STK3: variants seen among roughly 807,000 people sequenced by gnomAD.
STK3 encodes the protein serine/threonine kinase 3.
STK3 carries 41 observed loss-of-function variants against 58.0 expected under a neutral mutation model. The ratio of observed to expected loss-of-function variants is 0.71; its 90% confidence interval spans 0.55 to 0.92. STK3 has a LOEUF of 0.92. Ranked by LOEUF, STK3 falls within the 40% of genes least tolerant of loss-of-function variation. The pLI is 0.00. For missense variants in STK3, 479 were observed against 602.7 expected (o/e 0.79, Z 2.15); for synonymous variants, 170 against 191.0 (o/e 0.89, Z 0.91).
rs146587155 is a variant in STK3 at position 98,496,046 on chromosome 8, T to C, written c.1317+30696A>G. ...TATATATTTTCAATCACAGTATTTA[T>C]AATGCTGAATAGTTATTGGTTTAAA... On this transcript the variant is annotated intron_variant, in intron 10 of 10. Coordinates refer to ENST00000419617, the MANE Select transcript of STK3 (RefSeq NM_006281.4). 6.9e-3 allele frequency among the ~76,000 whole-genome samples: 1,058 copies of C among 152,292 alleles called. 6 individuals carry two copies. Among genetic ancestry groups the C allele is most frequent in the Non-Finnish European group, 0.011 (756 of 68,000 alleles).
At chr8:98,354,400 C>T in the STK3 span, among the ~76,000 whole-genome samples, 1 of 152,106 alleles carries the variant, frequency 6.6e-6, no homozygotes, top group Non-Finnish European at 1.5e-5. Context: ...CACCAGCTTC[C>T]AGAAACAAGA....
chr8:98,747,074 T>A (rs895055869), intron 4 of STK3, among the ~76,000 whole-genome samples: 33 of 67,858 alleles, frequency 4.9e-4, no homozygotes, highest in Admixed American at 1.1e-3. Flanking sequence ...TGAAGTAAAA[T>A]AACAACATTT....
At chr8:98,930,605 T>A (rs536482297) in intron 1 of STK3, among the ~76,000 whole-genome samples, 1 of 152,312 alleles carries the variant, frequency 6.6e-6, no homozygotes, top group African/African-American at 2.4e-5. Flanking sequence ...AGAATTAAGA[T>A]GTTTACATGG....
At chr8:98,506,503 C>A (rs62532757) in intron 10 of STK3, among the ~76,000 whole-genome samples, 2 of 151,724 alleles carry the variant, frequency 1.3e-5, no homozygotes, top group African/African-American at 4.8e-5. Context: ...AGCTGCAGAC[C>A]GGAGCTGTTC....
intron 8 of STK3, among the ~76,000 whole-genome samples, chr8:98,556,988 C>T (rs1316509109): frequency 6.6e-6 from 1 of 152,034 alleles, no homozygotes; most frequent in African/African-American, 2.4e-5. Flanking sequence ...ATAGGTAACA[C>T]CAGTTATTTG....
intron 2 of STK3, among the ~76,000 whole-genome samples, chr8:98,376,360 T>C (rs1817674447): frequency 6.6e-6 from 1 of 152,234 alleles, no homozygotes; most frequent in Admixed American, 6.5e-5. Context: ...TATTTTCTCC[T>C]AGTCTGTAGT....
At chr8:98,372,401 C>T (rs1256472444) in intron 2 of STK3, among the ~76,000 whole-genome samples, 2 of 152,206 alleles carry the variant, frequency 1.3e-5, no homozygotes, top group Non-Finnish European at 2.9e-5. Flanking sequence ...CTCCAACAGC[C>T]AGGACGCCAC....
At chr8:98,678,841 T>C (rs1372254510) in intron 6 of STK3, among the ~76,000 whole-genome samples, 1 of 152,214 alleles carries the variant, frequency 6.6e-6, no homozygotes, top group Admixed American at 6.5e-5. Context: ...CTTTATACCT[T>C]TATTCCTTTC....
At chr8:98,451,951 T>C (rs1273522342), downstream of STK3, among the ~76,000 whole-genome samples, 1 of 151,912 alleles carries the variant, frequency 6.6e-6, no homozygotes, top group Non-Finnish European at 1.5e-5. Flanking sequence ...AATATCTAAT[T>C]AAATGCCTAT....
chr8:98,878,790 A>G (rs1034017479), downstream of STK3: 12 of 168,338 alleles, frequency 7.1e-5, no homozygotes, highest in South Asian at 1.7e-3. Flanking sequence ...TTTCTTTTGT[A>G]GCACCAAAAC....
chr8:98,374,389 G>A (rs1563586715), intron 2 of STK3, among the ~76,000 whole-genome samples: 2 of 152,172 alleles, frequency 1.3e-5, no homozygotes, highest in African/African-American at 4.8e-5. Context: ...CAAGGCCCAG[G>A]CATTAGATAG....
In STK3 at chr8:98,598,369, T is replaced by C. The variant is rs941657680; in HGVS notation, c.685-2200A>G. On this transcript the variant is annotated intron_variant, in intron 6 of 10. Transcript: ENST00000419617. ...CATAAAGTGAACCTAAAATGTCACA[T>C]TCTACCCTCAAATATGCATTGAACA... 2.0e-5 allele frequency: 20 copies of C among 985,164 alleles called. No individual in the cohort carries two copies. In the South Asian group the frequency reaches 8.9e-4, roughly 44 times the overall value. 61.0% of individuals were successfully genotyped at this position (985,164 alleles called of 1,614,324 possible).
chr8:98,696,690 C>T (rs934446108), intron 6 of STK3, among the ~76,000 whole-genome samples: 1 of 152,208 alleles, frequency 6.6e-6, no homozygotes, highest in Non-Finnish European at 1.5e-5. Context: ...ACCAGTCTTG[C>T]ATCCCAGGGA....
intron 1 of STK3, among the ~76,000 whole-genome samples, chr8:98,892,895 T>C (rs1249509312): frequency 9.2e-5 from 14 of 152,168 alleles, no homozygotes; most frequent in Admixed American, 9.2e-4. Context: ...ACGTTAGCAA[T>C]TCACACTTCA....
chr8:98,693,031 T>C (rs1824525871), intron 6 of STK3, among the ~76,000 whole-genome samples: 1 of 152,106 alleles, frequency 6.6e-6, no homozygotes, highest in Admixed American at 6.5e-5. Context: ...ATCATCTGAG[T>C]GGGCCCTAAA....
chr8:98,471,360 T>TC (rs1348711479), intron 10 of STK3, among the ~76,000 whole-genome samples: 5 of 148,552 alleles, frequency 3.4e-5, no homozygotes, highest in African/African-American at 1.2e-4. Flanking sequence ...TCCTTTTCTT[T>TC]TTTTTTTTTT....
intron 4 of STK3, among the ~76,000 whole-genome samples, chr8:98,740,065 A>C (rs1171889233): frequency 6.6e-6 from 1 of 152,190 alleles, no homozygotes; most frequent in African/African-American, 2.4e-5. Flanking sequence ...AAAGAAATGA[A>C]CAAAGCCTCC....
intron 6 of STK3, among the ~76,000 whole-genome samples, chr8:98,615,008 G>T (rs1011862456): frequency 3.3e-5 from 5 of 152,330 alleles, no homozygotes; most frequent in Admixed American, 3.3e-4. Flanking sequence ...TCTAGGGGCA[G>T]GGCACAGACA....
At chr8:98,927,801 G>A (rs1206242349) in intron 1 of STK3, among the ~76,000 whole-genome samples, 2 of 152,176 alleles carry the variant, frequency 1.3e-5, no homozygotes, top group East Asian at 1.9e-4. Flanking sequence ...AAGTGTCCAC[G>A]TTCCTAGGCC....
Sources: allele counts gnomAD v4.1 joint callset (sites outside exome capture counted in the v4.1 genomes callset), GRCh38; gene constraint gnomAD v4.1.1; transcripts MANE v1.5; gene names NCBI Gene and HGNC (gene_info 2026-07-23, HGNC 2026-07-21).